The following DPP10 variants were observed in gnomAD, a reference collection of about 807,000 sequenced individuals.
DPP10 encodes dipeptidyl peptidase like 10.
Under a neutral mutation model 120.9 loss-of-function variants are expected in DPP10, and 33 were observed. That is an observed-to-expected ratio of 0.27 (90% CI 0.21 to 0.37). DPP10 has a LOEUF of 0.37. Ranked by LOEUF, DPP10 falls within the 10% of genes least tolerant of loss-of-function variation. DPP10 has a pLI of 1.00. For synonymous variants in DPP10, 337 were observed against 326.1 expected, an observed-to-expected ratio of 1.03 and a Z score of -0.36; for missense variants, 816 against 942.8, an observed-to-expected ratio of 0.87 and a Z score of 1.76.
chr2:115,134,345 T>A (rs138059582), intron 1 of DPP10, among the ~76,000 whole-genome samples: 1 of 152,112 alleles, frequency 6.6e-6, no homozygotes, highest in Non-Finnish European at 1.5e-5. Context: ...ACCCATTCTT[T>A]GGGGTTGAGG....
chr2:115,424,810 A>G (rs1382673251), intron 3 of DPP10, among the ~76,000 whole-genome samples: 1 of 152,196 alleles, frequency 6.6e-6, no homozygotes, highest in East Asian at 1.9e-4. Flanking sequence ...ACCAGTCACT[A>G]AGATAAAAGG....
intron 5 of DPP10, among the ~76,000 whole-genome samples, chr2:115,611,543 T>G (rs1354153407): frequency 6.6e-6 from 1 of 152,170 alleles, no homozygotes; most frequent in Admixed American, 6.5e-5. Flanking sequence ...AAGTGAAACT[T>G]TTTGGGACTA....
chr2:115,547,949 C>T (rs1185605367), intron 5 of DPP10, among the ~76,000 whole-genome samples: 1 of 152,016 alleles, frequency 6.6e-6, no homozygotes, highest in Non-Finnish European at 1.5e-5. Flanking sequence ...ATGCATTTTG[C>T]TTAATAACCC....
At chr2:115,543,398 G>C (rs1002303467) in intron 5 of DPP10, among the ~76,000 whole-genome samples, 1 of 152,070 alleles carries the variant, frequency 6.6e-6, no homozygotes. Context: ...ATCAAAGACT[G>C]AATTGAACTG....
chr2:114,768,418 A>G (rs1293390119), intron 1 of DPP10, among the ~76,000 whole-genome samples: 1 of 152,176 alleles, frequency 6.6e-6, no homozygotes, highest in Non-Finnish European at 1.5e-5. Context: ...CAACAATAAT[A>G]ATCTCTGTGT....
chr2:115,750,231 C>G, intron 10 of DPP10: 1 of 982,812 alleles, frequency 1.0e-6, no homozygotes, highest in Non-Finnish European at 1.2e-6. Context: ...CAGAGACAGC[C>G]TGAATACTTA....
intron 1 of DPP10, among the ~76,000 whole-genome samples, chr2:115,272,215 G>A (rs1449948120): frequency 1.3e-5 from 2 of 152,158 alleles, no homozygotes; most frequent in African/African-American, 4.8e-5. Flanking sequence ...TCAGCATTTA[G>A]GATATGTGGA....
At chr2:114,479,901 A>T (rs1356828186) in intron 1 of DPP10, among the ~76,000 whole-genome samples, 3 of 152,196 alleles carry the variant, frequency 2.0e-5, no homozygotes, top group Non-Finnish European at 4.4e-5. Flanking sequence ...GCACAGCAAA[A>T]GAAACCACCA....
intron 1 of DPP10, among the ~76,000 whole-genome samples, chr2:114,654,214 T>A (rs1696811504): frequency 1.3e-5 from 2 of 152,166 alleles, no homozygotes; most frequent in African/African-American, 4.8e-5. Flanking sequence ...CTGTTTCTGC[T>A]TCTACTTAGG....
At chr2:114,744,460 T>C (rs1404261231) in intron 1 of DPP10, among the ~76,000 whole-genome samples, 3 of 152,186 alleles carry the variant, frequency 2.0e-5, no homozygotes, top group African/African-American at 7.2e-5. Context: ...ATGATTTGTA[T>C]CAGAAGTTAG....
chr2:114,806,552 A>G (rs1385573745), intron 1 of DPP10, among the ~76,000 whole-genome samples: 1 of 152,212 alleles, frequency 6.6e-6, no homozygotes, highest in Non-Finnish European at 1.5e-5. Context: ...CCTGGGAATG[A>G]TATGTGTCAA....
rs938201477 is a variant in DPP10 at position 115,137,461 on chromosome 2, C to A, written c.61-171778C>A. 5.8e-4 allele frequency among the ~76,000 whole-genome samples: 88 copies of A among 152,302 alleles called. 1 individual carries two copies. Among genetic ancestry groups the A allele is most frequent in the African/African-American group, 2.0e-3 (82 of 41,578 alleles). The stretch of plus-strand genomic sequence containing the variant: ...AAGACTGAGGATGAACAACTATCCA[C>A]CCTGCAGAGGATAGCGACATAGGGA... On this transcript the variant is annotated intron_variant, in intron 1 of 25. Coordinates refer to ENST00000410059, the MANE Select transcript of DPP10 (RefSeq NM_020868.6).
intron 1 of DPP10, among the ~76,000 whole-genome samples, chr2:115,255,394 C>T (rs2058939419): frequency 6.6e-6 from 1 of 152,206 alleles, no homozygotes; most frequent in Non-Finnish European, 1.5e-5. Flanking sequence ...CCTTCCTGTG[C>T]CTCTTGGCCT....
chr2:114,564,196 C>T (rs1321387591), intron 1 of DPP10, among the ~76,000 whole-genome samples: 1 of 152,122 alleles, frequency 6.6e-6, no homozygotes, highest in Non-Finnish European at 1.5e-5. Flanking sequence ...ATGAATACTT[C>T]TTGCATCTCA....
intron 1 of DPP10, among the ~76,000 whole-genome samples, chr2:114,952,184 T>C (rs1372267307): frequency 1.3e-5 from 2 of 151,982 alleles, no homozygotes; most frequent in African/African-American, 4.8e-5. Context: ...AAATGTGTAT[T>C]GTGTATGATA....
At chr2:115,473,863 T>C (rs977200191) in intron 3 of DPP10, among the ~76,000 whole-genome samples, 7 of 152,204 alleles carry the variant, frequency 4.6e-5, no homozygotes, top group Non-Finnish European at 1.0e-4. Flanking sequence ...TGGAGTCTGG[T>C]TTATTGTTGA....
At chr2:115,419,658 C>A (rs1195362729) in intron 3 of DPP10, among the ~76,000 whole-genome samples, 1 of 151,990 alleles carries the variant, frequency 6.6e-6, no homozygotes, top group Non-Finnish European at 1.5e-5. Context: ...TAGCACAGTG[C>A]CCAATTTATT....
At chr2:114,631,374 C>A (rs1694912920) in intron 1 of DPP10, among the ~76,000 whole-genome samples, 1 of 152,078 alleles carries the variant, frequency 6.6e-6, no homozygotes. Flanking sequence ...CTGCTCTACC[C>A]CGCCTCTATC....
At chr2:115,808,918 G>A (rs1010760604) in intron 19 of DPP10, among the ~76,000 whole-genome samples, 5 of 152,166 alleles carry the variant, frequency 3.3e-5, no homozygotes, top group South Asian at 2.1e-4. Flanking sequence ...TCTTGGTAGC[G>A]GCATGAACAA....
Sources: allele counts gnomAD v4.1 joint callset (sites outside exome capture counted in the v4.1 genomes callset), GRCh38; gene constraint gnomAD v4.1.1; transcripts MANE v1.5; gene names NCBI Gene and HGNC (gene_info 2026-07-23, HGNC 2026-07-21).